ANK2: variants seen among roughly 807,000 people sequenced by gnomAD.
ANK2 encodes the protein ankyrin-2.
Under a neutral mutation model 360.5 loss-of-function variants are expected in ANK2, and 83 were observed. That is an observed-to-expected ratio of 0.23 (90% CI 0.19 to 0.28). The LOEUF is 0.28. ANK2 is among the 10% of genes least tolerant of loss of function. ANK2 has a pLI of 1.00. For synonymous variants in ANK2, 1,740 were observed against 1,759.5 expected, an observed-to-expected ratio of 0.99 and a Z score of 0.28; for missense variants, 4,201 against 4,795.7, an observed-to-expected ratio of 0.88 and a Z score of 3.66.
intron 38 of ANK2, among the ~76,000 whole-genome samples, chr4:113,360,151 T>C (rs1421908334): frequency 6.6e-6 from 1 of 152,178 alleles, no homozygotes; most frequent in Non-Finnish European, 1.5e-5. Flanking sequence ...GAGTTAAACA[T>C]GAATGGGAAA....
the ANK2 span, among the ~76,000 whole-genome samples, chr4:112,733,995 G>A: frequency 2.0e-5 from 3 of 152,142 alleles, no homozygotes; most frequent in South Asian, 2.1e-4. Context: ...GGCTGGTCTC[G>A]AACTCCTGGC....
chr4:113,187,744 C>T (rs771274593), intron 2 of ANK2, among the ~76,000 whole-genome samples: 12 of 152,112 alleles, frequency 7.9e-5, no homozygotes, highest in Non-Finnish European at 1.5e-4. Flanking sequence ...TGTCATATAA[C>T]GACAGGAGCA....
At chr4:113,368,932 A>C (rs2096632682) in intron 42 of ANK2, among the ~76,000 whole-genome samples, 1 of 152,226 alleles carries the variant, frequency 6.6e-6, no homozygotes, top group African/African-American at 2.4e-5. Context: ...AAAGGCCAAT[A>C]ATCTTATTTA....
chr4:113,146,628 T>C (rs1054284548), intron 1 of ANK2, among the ~76,000 whole-genome samples: 2 of 152,116 alleles, frequency 1.3e-5, no homozygotes, highest in East Asian at 3.8e-4. Flanking sequence ...TTTTAATAAT[T>C]CATAGGCATG....
chr4:113,194,359 A>C (rs1358431130), intron 2 of ANK2, among the ~76,000 whole-genome samples: 2 of 152,096 alleles, frequency 1.3e-5, no homozygotes, highest in Non-Finnish European at 2.9e-5. Flanking sequence ...GTTCCATGAA[A>C]ATTTTTATTG....
chr4:112,724,932 G>A, the ANK2 span, among the ~76,000 whole-genome samples: 4 of 152,126 alleles, frequency 2.6e-5, no homozygotes, highest in East Asian at 7.7e-4. Context: ...TCAGAAGAAT[G>A]GATACACGAA....
intron 42 of ANK2, 90 bp downstream of exon 42, chr4:113,367,941 A>T (rs2096593920): frequency 6.7e-7 from 1 of 1,493,668 alleles, no homozygotes; most frequent in Non-Finnish European, 9.2e-7. Context: ...CTAGTTTTTA[A>T]ATACTTTTTA....
At chr4:113,019,326 G>A (rs2057456978) in intron 2 of ANK2, among the ~76,000 whole-genome samples, 1 of 152,100 alleles carries the variant, frequency 6.6e-6, no homozygotes, top group Non-Finnish European at 1.5e-5. Flanking sequence ...AACTTTTTTT[G>A]TACTTAAAGT....
chr4:112,932,191 C>CGG (rs2093308026), intron 2 of ANK2, among the ~76,000 whole-genome samples: 1 of 152,022 alleles, frequency 6.6e-6, no homozygotes, highest in South Asian at 2.1e-4. Flanking sequence ...CCCGTTTCTA[C>CGG]TAAAAATCCA....
At chr4:113,184,804 A>C (rs2098483533) in intron 2 of ANK2, among the ~76,000 whole-genome samples, 1 of 152,058 alleles carries the variant, frequency 6.6e-6, no homozygotes, top group Admixed American at 6.6e-5. Context: ...GGTTTGCTGC[A>C]CCCATCAACC....
At chr4:112,884,905 T>A (rs2077810045) in intron 1 of ANK2, among the ~76,000 whole-genome samples, 1 of 152,166 alleles carries the variant, frequency 6.6e-6, no homozygotes, top group South Asian at 2.1e-4. Flanking sequence ...GAATTCGTCT[T>A]TTATTATTTC....
At chr4:112,763,776 TC>T in the ANK2 span, among the ~76,000 whole-genome samples, 1 of 152,026 alleles carries the variant, frequency 6.6e-6, no homozygotes. Context: ...CGCCTCGGCC[TC>T]CCAAAGTGCT....
intron 13 of ANK2, among the ~76,000 whole-genome samples, chr4:113,260,986 G>A (rs918878483): frequency 1.3e-5 from 2 of 152,262 alleles, no homozygotes; most frequent in East Asian, 1.9e-4. Flanking sequence ...GTTGTGCTTC[G>A]ATGCTTTTCA....
At chr4:113,332,225 C>T (rs1439466456) in intron 28 of ANK2, among the ~76,000 whole-genome samples, 155 bp downstream of exon 28, 1 of 151,986 alleles carries the variant, frequency 6.6e-6, no homozygotes, top group Non-Finnish European at 1.5e-5. Flanking sequence ...CATTTCTGAC[C>T]CTTGTGGTAT....
At position 113,267,069 on chromosome 4, in the gene ANK2, A is replaced by C. The variant is rs570954527; in HGVS notation, c.1485+2074A>C. Reference sequence around the variant, plus strand: ...ATCTTCTTTTGAAAAGTGTCTGTTCATATCCTTCGCCGACTTTTCAATGGG... The same window carrying C: ...ATCTTCTTTTGAAAAGTGTCTGTTCCTATCCTTCGCCGACTTTTCAATGGG... On this transcript the variant is annotated intron_variant, in intron 14 of 45. Transcript: ENST00000357077. 1.1e-3 allele frequency among the ~76,000 whole-genome samples: 164 copies of C among 152,288 alleles called. 6 individuals are homozygous for C. In the South Asian group the frequency reaches 0.032, roughly 29 times the overall value.
rs762178965 is a variant in ANK2, at chr4:113,373,102, C to G, written c.11623C>G (p.Pro3875Ala). 2 of 1,613,958 alleles carry G rather than the reference C, an allele frequency of 1.2e-6. No individual in the cohort carries two copies. Among genetic ancestry groups the G allele is most frequent in the Non-Finnish European group, 8.5e-7 (1 of 1,179,900 alleles). Reference protein sequence around the residue: ...DAAFEKGDDMPEIPPETVTEE... With the variant: ...DAAFEKGDDMAEIPPETVTEE... ...CTCAACTGTTTAGGGAGACGATATG[C>G]CTGAAATACCCCCAGAAACAGTCAC... Residue 3875 changes from proline (P) to alanine (A), a missense_variant, in exon 44 of 46, where the codon CCT becomes GCT. Pro to Ala is a conservative substitution (Grantham distance 27). Coordinates refer to ENST00000357077, the MANE Select transcript of ANK2 (RefSeq NM_001148.6).
Position 113,120,858 on chromosome 4 carries a change from A to T in ANK2, c.85-53558A>T, listed in dbSNP as rs145706130. ...ACACTTATAAGTAAGAACATAAAGT[A>T]TATATTTAAATAATATTTATCACTT... On this transcript the variant is annotated intron_variant, in intron 1 of 45. Coordinates refer to ENST00000357077, the MANE Select transcript of ANK2 (RefSeq NM_001148.6). 8.3e-4 allele frequency among the ~76,000 whole-genome samples: 127 copies of T among 152,272 alleles called. 1 individual carries two copies. The East Asian group carries it at 0.022, about 27-fold the overall frequency.
intron 1 of ANK2, among the ~76,000 whole-genome samples, chr4:113,082,558 A>G (rs868541122): frequency 6.6e-6 from 1 of 152,204 alleles, no homozygotes; most frequent in Non-Finnish European, 1.5e-5. Flanking sequence ...AATTACTAAA[A>G]CTTAATGAAA....
At chr4:112,742,285 A>G in the ANK2 span, among the ~76,000 whole-genome samples, 11 of 152,172 alleles carry the variant, frequency 7.2e-5, no homozygotes, top group Non-Finnish European at 8.8e-5. Context: ...ATAAAATACT[A>G]AAATAAAATA....
Sources: gnomAD v4.1 joint callset for allele counts (sites outside exome capture counted in the v4.1 genomes callset) on GRCh38, gnomAD v4.1.1 for gene constraint, MANE v1.5 for transcripts, NCBI Gene and HGNC (gene_info 2026-07-23, HGNC 2026-07-21) for gene names.